The following ATP8A1 variants were observed in gnomAD, a reference collection of about 807,000 sequenced individuals.
ATP8A1 encodes phospholipid-transporting ATPase IA.
In ATP8A1, 90 loss-of-function variants were observed where a neutral mutation model predicts 177.7. The observed-to-expected ratio is 0.51, with a 90% CI of 0.43 to 0.60. ATP8A1 has a LOEUF of 0.60. Ranked by LOEUF, ATP8A1 falls within the 20% of genes least tolerant of loss-of-function variation. The probability of loss-of-function intolerance (pLI) is 0.00; values close to 1 mark genes in which losing one functional copy is unlikely to be tolerated. For synonymous variants in ATP8A1, 493 were observed against 485.9 expected (o/e 1.01, Z -0.19); for missense variants, 1,072 against 1,392.8 (o/e 0.77, Z 3.67).
intron 35 of ATP8A1, among the ~76,000 whole-genome samples, chr4:42,421,015 G>A (rs564567551): frequency 2.6e-4 from 39 of 152,174 alleles, no homozygotes; most frequent in African/African-American, 8.4e-4. Flanking sequence ...TGATCTGCCC[G>A]CCTCGGCCTC....
At chr4:42,433,872 T>C (rs1450632978) in intron 33 of ATP8A1, among the ~76,000 whole-genome samples, 1 of 146,962 alleles carries the variant, frequency 6.8e-6, no homozygotes, top group Non-Finnish European at 1.5e-5. Context: ...AAAAAAACGA[T>C]TAAAAAAGGT....
chr4:42,524,701 G>A (rs1182035221), intron 21 of ATP8A1, 62 bp downstream of exon 21: 3 of 1,041,126 alleles, frequency 2.9e-6, no homozygotes, highest in Admixed American at 2.1e-5. Flanking sequence ...GATCCTGCAA[G>A]GTATCAGAAG....
At chr4:42,518,950 T>C (rs1322268558) in intron 22 of ATP8A1, among the ~76,000 whole-genome samples, 1 of 152,146 alleles carries the variant, frequency 6.6e-6, no homozygotes, top group Non-Finnish European at 1.5e-5. Flanking sequence ...TAACAAAGAA[T>C]AGAATCTGAG....
intron 29 of ATP8A1, 145 bp from the exon 30 acceptor site, chr4:42,452,204 T>C: frequency 4.2e-6 from 2 of 476,514 alleles, no homozygotes; most frequent in Non-Finnish European, 7.6e-6. Flanking sequence ...ACAGACACTT[T>C]CTGCCTCTTA....
At chr4:42,532,881 C>T (rs1727418904) in intron 20 of ATP8A1, among the ~76,000 whole-genome samples, 2 of 152,228 alleles carry the variant, frequency 1.3e-5, no homozygotes, top group Non-Finnish European at 1.5e-5. Flanking sequence ...TATTCTCCCT[C>T]ACCCTTAAGA....
chr4:42,455,604 G>GAA lies in ATP8A1; in HGVS notation c.2620-7_2620-6dup. On this transcript the variant is annotated splice_polypyrimidine_tract_variant and splice_region_variant and intron_variant, in intron 27 of 36. Transcript: ENST00000381668. ...ATTAACAAAGGCAAACCAGATCTAG[G>GAA]AAAAAAAACCCAAAACCCCCAAATT... is the stretch of plus-strand genomic sequence containing the variant. 1.9e-6 allele frequency: 3 copies of GAA among 1,609,186 alleles called. No individual in the cohort carries two copies. The highest frequency in any genetic ancestry group is 2.5e-6 in the Non-Finnish European group (3 of 1,178,616).
intron 29 of ATP8A1, 59 bp downstream of exon 29, chr4:42,455,235 TATA>T: frequency 6.9e-6 from 11 of 1,593,232 alleles, no homozygotes; most frequent in Non-Finnish European, 9.4e-6. Context: ...ACATACCCCA[TATA>T]ATGAGGGCAG....
intron 27 of ATP8A1, among the ~76,000 whole-genome samples, chr4:42,457,654 A>G (rs947643176): frequency 6.6e-6 from 1 of 152,202 alleles, no homozygotes; most frequent in Non-Finnish European, 1.5e-5. Context: ...TAGTAAGTTT[A>G]TATGTGGGCA....
Position 42,438,854 on chromosome 4 carries a change from C to T in ATP8A1, c.3123+4711G>A, listed in dbSNP as rs142972373. Among the ~76,000 whole-genome samples, 7 of 152,250 alleles carry T rather than the reference C, an allele frequency of 4.6e-5. No individual in the cohort carries two copies. The East Asian group carries it at 1.2e-3, about 25-fold the overall frequency. ...ACTGGCTATTTCTTTGCTTACTACACAGATTTGGAACATGAGTTTAGCGAA... is the reference window on the plus strand; with the variant it reads ...ACTGGCTATTTCTTTGCTTACTACATAGATTTGGAACATGAGTTTAGCGAA... On this transcript the variant is annotated intron_variant, in intron 33 of 36. Transcript: ENST00000381668.
chr4:42,593,709 G>C (rs928753085), intron 6 of ATP8A1, among the ~76,000 whole-genome samples: 1 of 151,976 alleles, frequency 6.6e-6, no homozygotes, highest in Non-Finnish European at 1.5e-5. Flanking sequence ...ATTCTTTAAA[G>C]AGTAACAGTG....
intron 9 of ATP8A1, among the ~76,000 whole-genome samples, chr4:42,584,984 T>C (rs1000387617): frequency 3.9e-5 from 6 of 152,262 alleles, no homozygotes; most frequent in African/African-American, 4.8e-5. Context: ...TCTATTACTC[T>C]CTTCATTGAT....
intron 1 of ATP8A1, among the ~76,000 whole-genome samples, chr4:42,629,257 C>T (rs1276785315): frequency 6.6e-6 from 1 of 152,134 alleles, no homozygotes; most frequent in Non-Finnish European, 1.5e-5. Context: ...AGAAAACTCA[C>T]CAAAATGAAG....
intron 30 of ATP8A1, among the ~76,000 whole-genome samples, chr4:42,448,828 G>GTTTTTTT (rs55946444): frequency 2.4e-5 from 2 of 84,228 alleles, no homozygotes; most frequent in African/African-American, 9.0e-5. Context: ...TGTACTTTGC[G>GTTTTTTT]TTTTTTTTTT....
chr4:42,643,746 C>A (rs1187334557), intron 1 of ATP8A1, among the ~76,000 whole-genome samples: 1 of 152,184 alleles, frequency 6.6e-6, no homozygotes, highest in African/African-American at 2.4e-5. Flanking sequence ...CACTATCCAA[C>A]AGGCAGATGA....
intron 4 of ATP8A1, among the ~76,000 whole-genome samples, chr4:42,618,637 G>A (rs981458191): frequency 6.6e-6 from 1 of 152,128 alleles, no homozygotes; most frequent in Non-Finnish European, 1.5e-5. Context: ...CACTGACTAT[G>A]TGCCAGGCCC....
At chr4:42,428,771 G>C (rs964055150) in intron 33 of ATP8A1, among the ~76,000 whole-genome samples, 1 of 152,096 alleles carries the variant, frequency 6.6e-6, no homozygotes, top group African/African-American at 2.4e-5. Flanking sequence ...CATCTCTCAA[G>C]CCAGGCCCAT....
At chr4:42,566,120 C>T (rs1252067218) in intron 15 of ATP8A1, among the ~76,000 whole-genome samples, 9 of 152,166 alleles carry the variant, frequency 5.9e-5, no homozygotes, top group African/African-American at 2.2e-4. Flanking sequence ...TTAATGTTAA[C>T]AGAATATGTG....
intron 2 of ATP8A1, 160 bp from the exon 3 acceptor site, chr4:42,625,873 G>T: frequency 2.3e-6 from 1 of 426,422 alleles, no homozygotes; most frequent in Non-Finnish European, 4.3e-6. Context: ...AAATGAAAAA[G>T]AGTGAAAAGG....
intron 24 of ATP8A1, among the ~76,000 whole-genome samples, chr4:42,498,790 G>GAC (rs1723534641): frequency 6.6e-6 from 1 of 152,038 alleles, no homozygotes; most frequent in Admixed American, 6.6e-5. Context: ...AAATGAGATG[G>GAC]ACATTTTCAT....
Sources: allele counts gnomAD v4.1 joint callset (sites outside exome capture counted in the v4.1 genomes callset), GRCh38; gene constraint gnomAD v4.1.1; transcripts MANE v1.5; gene names NCBI Gene and HGNC (gene_info 2026-07-23, HGNC 2026-07-21).